The following EPB41 variants were observed in gnomAD, a reference collection of about 807,000 sequenced individuals.
The protein encoded by EPB41 is protein 4.1.
A neutral mutation model predicts 108.0 loss-of-function variants in EPB41; 65 were observed. The observed-to-expected ratio is 0.60, with a 90% CI of 0.49 to 0.74. EPB41 has a LOEUF of 0.74. EPB41 is among the 30% of genes least tolerant of loss of function. EPB41 has a pLI of 0.00. For missense variants in EPB41, 875 were observed against 1,037.0 expected, an observed-to-expected ratio of 0.84 and a Z score of 2.15; for synonymous variants, 336 against 358.9, an observed-to-expected ratio of 0.94 and a Z score of 0.72.
chr1:29,087,698 C>G (rs1210390611), intron 16 of EPB41, among the ~76,000 whole-genome samples: 1 of 151,586 alleles, frequency 6.6e-6, no homozygotes, highest in East Asian at 1.9e-4. Context: ...ATTCATAGGT[C>G]AAAAAAGGGG....
chr1:28,956,921 G>A (rs1448575540), intron 1 of EPB41, among the ~76,000 whole-genome samples: 2 of 152,238 alleles, frequency 1.3e-5, no homozygotes, highest in African/African-American at 2.4e-5. Context: ...ATCACTGAGT[G>A]CTAGAGTTTA....
At chr1:28,950,782 T>C (rs1443314940) in intron 1 of EPB41, among the ~76,000 whole-genome samples, 1 of 152,012 alleles carries the variant, frequency 6.6e-6, no homozygotes, top group African/African-American at 2.4e-5. Flanking sequence ...TCTTTACAGA[T>C]AGAGGCAGCC....
intron 1 of EPB41, among the ~76,000 whole-genome samples, chr1:28,959,181 G>A (rs2930839): frequency 0.78 from 116,478 of 149,156 alleles, 46,098 homozygotes; most frequent in East Asian, 0.92. Context: ...ATTTTATACC[G>A]TAGCTACTAC....
intron 1 of EPB41, chr1:28,982,631 C>T: frequency 1.9e-6 from 2 of 1,059,762 alleles, no homozygotes; most frequent in Non-Finnish European, 2.9e-6. Context: ...ACCACTCGGG[C>T]CTACAGCAAA....
chr1:29,067,606 G>A (rs1414011158), intron 16 of EPB41, among the ~76,000 whole-genome samples: 1 of 148,512 alleles, frequency 6.7e-6, no homozygotes, highest in Non-Finnish European at 1.5e-5. Context: ...GGCAGAGATT[G>A]CAGTGAGCCG....
chr1:28,980,140 C>T (rs568843443), intron 1 of EPB41, among the ~76,000 whole-genome samples: 18 of 152,208 alleles, frequency 1.2e-4, no homozygotes, highest in Admixed American at 9.8e-4. Context: ...CGAGACCAGC[C>T]TGGCAAAACA....
upstream of EPB41, chr1:28,914,497 A>G (rs1034648700): frequency 2.6e-5 from 4 of 151,804 alleles, no homozygotes; most frequent in Non-Finnish European, 5.9e-5. Flanking sequence ...ATTTACTACA[A>G]TGTTGTGGCG....
At chr1:28,903,873 T>C (rs1166939276) in intron 1 of EPB41, among the ~76,000 whole-genome samples, 1 of 151,716 alleles carries the variant, frequency 6.6e-6, no homozygotes, top group East Asian at 1.9e-4. Context: ...TGTTGTTGTT[T>C]GTTTGTTTTT....
intron 1 of EPB41, among the ~76,000 whole-genome samples, chr1:28,974,871 T>A (rs1404844077): frequency 6.6e-6 from 1 of 151,464 alleles, no homozygotes; most frequent in Admixed American, 6.6e-5. Context: ...CTTGGCTCAC[T>A]GCAACCTCCG....
At chr1:29,066,783 C>T (rs1648152692) in intron 16 of EPB41, among the ~76,000 whole-genome samples, 1 of 151,980 alleles carries the variant, frequency 6.6e-6, no homozygotes, top group African/African-American at 2.4e-5. Context: ...AAGCGATTCT[C>T]CTGCCTCAGC....
intron 17 of EPB41, among the ~76,000 whole-genome samples, chr1:29,104,298 C>T (rs929363206): frequency 2.0e-5 from 3 of 152,100 alleles, no homozygotes; most frequent in Non-Finnish European, 2.9e-5. Flanking sequence ...ATAAGTAAGC[C>T]GGAGCACCAT....
At chr1:29,068,315 G>A (rs550531294) in intron 16 of EPB41, among the ~76,000 whole-genome samples, 4 of 152,310 alleles carry the variant, frequency 2.6e-5, no homozygotes, top group East Asian at 3.9e-4. Context: ...CTTTGAAAAA[G>A]TAACTTGGTC....
rs1295663279 is a variant in EPB41 at position 29,117,660 on chromosome 1, A to T, written c.*848A>T. 1 of 152,678 alleles carries T rather than the reference A, an allele frequency of 6.5e-6. No individual in the cohort carries two copies. Among genetic ancestry groups the T allele is most frequent in the African/African-American group, 2.4e-5 (1 of 41,464 alleles). 9.5% of individuals were successfully genotyped at this position (152,678 alleles called of 1,614,324 possible). ...AGAAAAATAGGCACTTTGGGCCAAA[A>T]GCTCTAATGGAACATTTTTAGTGGT... On this transcript the variant is annotated 3_prime_UTR_variant, in exon 21 of 21. Coordinates refer to ENST00000343067, the MANE Select transcript of EPB41 (RefSeq NM_001376013.1).
intron 16 of EPB41, among the ~76,000 whole-genome samples, chr1:29,090,611 G>A (rs1225644555): frequency 1.3e-5 from 2 of 152,110 alleles, no homozygotes; most frequent in Non-Finnish European, 2.9e-5. Context: ...TTAGCCGGGC[G>A]CGATGGCAAA....
chr1:29,108,436 C>T (rs1398339772), intron 17 of EPB41, among the ~76,000 whole-genome samples: 2 of 152,154 alleles, frequency 1.3e-5, no homozygotes, highest in Non-Finnish European at 2.9e-5. Context: ...GCCTGAGCCA[C>T]CGTGCCCGGC....
At chr1:28,928,171 A>T (rs2093556112) in intron 1 of EPB41, among the ~76,000 whole-genome samples, 1 of 152,006 alleles carries the variant, frequency 6.6e-6, no homozygotes, top group Admixed American at 6.6e-5. Context: ...ACACCTCTGT[A>T]ATTTGTGGTA....
chr1:29,039,283 G>A lies in EPB41; in HGVS notation c.1493G>A (p.Ser498Asn), dbSNP rs1468046691. The part of the protein sequence containing the change: ...RLTSTDTIPK[S>N]KFLALGSKFR... ...ACATCTACAGACACCATTCCCAAAA[G>A]CAAATTTCTTGCGCTAGGATCCAAA... Residue 498 changes from serine (S) to asparagine (N), a missense_variant, in exon 11 of 21, where the codon AGC (serine) becomes AAC (asparagine). Ser to Asn is a conservative substitution (Grantham distance 46). Around this residue, in one of 3 missense-constraint regions of EPB41, gnomAD observed 519 missense variants for 627.3 expected, o/e 0.83. Coordinates refer to ENST00000343067, the MANE Select transcript of EPB41 (RefSeq NM_001376013.1). 1.2e-6 allele frequency: 2 copies of A among 1,614,000 alleles called. No individual in the cohort carries two copies. Among genetic ancestry groups the A allele is most frequent in the South Asian group, 2.2e-5 (2 of 91,078 alleles).
At chr1:29,039,882 C>A (rs1406599516) in intron 11 of EPB41, among the ~76,000 whole-genome samples, 1 of 151,982 alleles carries the variant, frequency 6.6e-6, no homozygotes, top group Non-Finnish European at 1.5e-5. Flanking sequence ...ATAGAATCAT[C>A]TTAAGAAAAG....
rs1177022603 is a variant in EPB41 at position 29,118,597 on chromosome 1, CAA to C, written c.*1787_*1788del. ...TAAAGCTGCTTCTCCCAACACCGTC[CAA>C]AGTCTCCACTGCCTGAGTTTTGTTT... On this transcript the variant is annotated 3_prime_UTR_variant, in exon 21 of 21. Coordinates refer to ENST00000343067, the MANE Select transcript of EPB41 (RefSeq NM_001376013.1). The C allele has an allele frequency of 3.3e-5, 5 of 152,414 alleles. No individual in the cohort carries two copies. Among genetic ancestry groups the C allele is most frequent in the African/African-American group, 1.2e-4 (5 of 41,584 alleles). 9.4% of individuals were successfully genotyped at this position (152,414 alleles called of 1,614,324 possible).
Sources: allele counts gnomAD v4.1 joint callset (sites outside exome capture counted in the v4.1 genomes callset), GRCh38; gene constraint gnomAD v4.1.1; regional missense constraint gnomAD v4.1.1; transcripts MANE v1.5; gene names NCBI Gene and HGNC (gene_info 2026-07-23, HGNC 2026-07-21).